Variants in CTTNBP2 observed in about 807,000 individuals in gnomAD.
CTTNBP2 encodes cortactin-binding protein 2.
Under a neutral mutation model 156.9 loss-of-function variants are expected in CTTNBP2, and 108 were observed. That is an observed-to-expected ratio of 0.69 (90% CI 0.59 to 0.81). The LOEUF (loss-of-function observed/expected upper bound fraction) is 0.81, where lower values mean the gene tolerates loss of function less well. Ranked by LOEUF, CTTNBP2 falls within the 30% of genes least tolerant of loss-of-function variation. CTTNBP2 has a pLI of 0.00. For synonymous variants in CTTNBP2, 767 were observed against 751.8 expected, an observed-to-expected ratio of 1.02 and a Z score of -0.33; for missense variants, 1,924 against 2,035.4, an observed-to-expected ratio of 0.95 and a Z score of 1.05.
At chr7:117,740,323 G>A (rs1223228931) in intron 14 of CTTNBP2, among the ~76,000 whole-genome samples, 1 of 151,082 alleles carries the variant, frequency 6.6e-6, no homozygotes, top group Non-Finnish European at 1.5e-5. Flanking sequence ...CTTCATTTCT[G>A]TCTTTTTGCT....
At chr7:117,855,406 C>A (rs2117215815) in intron 2 of CTTNBP2, among the ~76,000 whole-genome samples, 1 of 152,320 alleles carries the variant, frequency 6.6e-6, no homozygotes, top group East Asian at 1.9e-4. Flanking sequence ...AGCTGCCACG[C>A]CTGGCCAATT....
At chr7:117,730,885 T>C (rs1049401492) in intron 16 of CTTNBP2, among the ~76,000 whole-genome samples, 1 of 152,028 alleles carries the variant, frequency 6.6e-6, no homozygotes, top group Non-Finnish European at 1.5e-5. Context: ...AATCAAACAT[T>C]ATTTTTTCGG....
intron 12 of CTTNBP2, chr7:117,755,622 TA>T (rs1796843130): frequency 4.3e-6 from 2 of 460,528 alleles, no homozygotes; most frequent in African/African-American, 4.0e-5. Flanking sequence ...GAAGAATAAA[TA>T]AAATAAGTCA....
At chr7:117,787,909 G>C (rs1014961579) in intron 4 of CTTNBP2, among the ~76,000 whole-genome samples, 2 of 152,158 alleles carry the variant, frequency 1.3e-5, no homozygotes, top group African/African-American at 4.8e-5. Flanking sequence ...TCCAAGGAGG[G>C]AGAGGTAGTT....
intron 17 of CTTNBP2, among the ~76,000 whole-genome samples, chr7:117,726,917 G>C (rs1394097379): frequency 1.3e-5 from 2 of 152,074 alleles, no homozygotes; most frequent in African/African-American, 4.8e-5. Context: ...AGGCTAACTT[G>C]GTAGCTTGCA....
chr7:117,823,005 C>T (rs1198684284), intron 2 of CTTNBP2, among the ~76,000 whole-genome samples: 1 of 152,184 alleles, frequency 6.6e-6, no homozygotes, highest in African/African-American at 2.4e-5. Context: ...TATTGAGGCT[C>T]TGTTATCAGC....
chr7:117,831,133 C>T (rs1801584066), intron 2 of CTTNBP2, among the ~76,000 whole-genome samples: 2 of 152,182 alleles, frequency 1.3e-5, no homozygotes, highest in Non-Finnish European at 2.9e-5. Flanking sequence ...TCCCCTCATT[C>T]ACCAACAACT....
intron 16 of CTTNBP2, among the ~76,000 whole-genome samples, chr7:117,733,883 C>A (rs1795538468): frequency 6.6e-6 from 1 of 152,158 alleles, no homozygotes. Flanking sequence ...CTTGGAAAAG[C>A]AGGTTTGGCC....
intron 2 of CTTNBP2, among the ~76,000 whole-genome samples, chr7:117,812,644 G>A (rs1269643013): frequency 6.6e-6 from 1 of 152,132 alleles, no homozygotes; most frequent in African/African-American, 2.4e-5. Flanking sequence ...AAAGCACTCG[G>A]TGTTTCTAGA....
chr7:117,823,353 TAA>T (rs1173848678), intron 2 of CTTNBP2, among the ~76,000 whole-genome samples: 6 of 152,200 alleles, frequency 3.9e-5, no homozygotes, highest in African/African-American at 7.2e-5. Context: ...TTCATAAAAT[TAA>T]GTCTTGTGGT....
intron 16 of CTTNBP2, among the ~76,000 whole-genome samples, chr7:117,733,168 T>C (rs999873549): frequency 2.0e-5 from 3 of 152,212 alleles, no homozygotes; most frequent in Non-Finnish European, 4.4e-5. Context: ...TTCTGTGACA[T>C]TACAAGATTT....
intron 2 of CTTNBP2, among the ~76,000 whole-genome samples, chr7:117,841,108 T>G (rs941528183): frequency 6.6e-6 from 1 of 152,218 alleles, no homozygotes; most frequent in African/African-American, 2.4e-5. Flanking sequence ...AAAAGCACTA[T>G]ATTTTCCAAA....
chr7:117,792,339 T>C lies in CTTNBP2; in HGVS notation c.857A>G (p.Lys286Arg). ...AGATATGGAAACCAAACGCCTATCT[T>C]TTGTCTTCCGTGGAAGAGAGAGGCT... ...KPSLSLPRKTKDRRLVSISVG... is the reference protein window; with the variant it reads ...KPSLSLPRKTRDRRLVSISVG... Residue 286 changes from lysine to arginine, a missense_variant, in exon 4 of 23, where the codon AAA (lysine) becomes AGA (arginine). Lys to Arg is a conservative substitution (Grantham distance 26). Coordinates refer to ENST00000160373, the MANE Select transcript of CTTNBP2 (RefSeq NM_033427.3). The surrounding 1 kb of genome is among the most constrained non-coding windows in gnomAD (Gnocchi z 4.2). The C allele has an allele frequency of 6.2e-7, 1 of 1,614,136 alleles. No homozygotes were observed. The highest frequency in any genetic ancestry group is 8.5e-7 in the Non-Finnish European group (1 of 1,180,020).
chr7:117,771,949 G>T (rs1266706066), intron 8 of CTTNBP2, among the ~76,000 whole-genome samples: 3 of 152,154 alleles, frequency 2.0e-5, no homozygotes, highest in Non-Finnish European at 4.4e-5. Context: ...GCAGCAGGGA[G>T]GGGAGAGAGC....
At chr7:117,803,957 A>T (rs1799775414) in intron 3 of CTTNBP2, among the ~76,000 whole-genome samples, 1 of 152,030 alleles carries the variant, frequency 6.6e-6, no homozygotes, top group African/African-American at 2.4e-5. Flanking sequence ...GCCTTTATTT[A>T]TTTATTTATG....
At chr7:117,793,773 A>G (rs1229361862) in intron 3 of CTTNBP2, among the ~76,000 whole-genome samples, 1 of 152,172 alleles carries the variant, frequency 6.6e-6, no homozygotes, top group Non-Finnish European at 1.5e-5. Flanking sequence ...TCATTTTTCT[A>G]ACTGATCAGC....
rs375496659 is a variant in CTTNBP2, at chr7:117,760,415, C to T, written c.3172+20G>A. On this transcript the variant is annotated intron_variant, in intron 10 of 22. Transcript: ENST00000160373. Reference sequence around the variant, plus strand: ...AAACCCAGAAATTTCACTTTCTCTCCGTCATAGGACTGCTGATACCTAGCG... The same window carrying T: ...AAACCCAGAAATTTCACTTTCTCTCTGTCATAGGACTGCTGATACCTAGCG... The T allele has an allele frequency of 2.8e-5, 44 of 1,598,664 alleles. No homozygotes were observed. Among genetic ancestry groups the T allele is most frequent in the African/African-American group, 6.7e-5 (5 of 74,478 alleles).
intron 22 of CTTNBP2, among the ~76,000 whole-genome samples, chr7:117,715,297 T>C (rs1794282023): frequency 6.6e-6 from 1 of 152,000 alleles, no homozygotes; most frequent in African/African-American, 2.4e-5. Flanking sequence ...TGAAGGCATC[T>C]CAATCCCTCT....
chr7:117,822,605 CTTTTGG>C (rs1801032765), intron 2 of CTTNBP2, among the ~76,000 whole-genome samples: 1 of 152,072 alleles, frequency 6.6e-6, no homozygotes. Flanking sequence ...GTCTAAATCC[CTTTTGG>C]TTTTGTCTTG....
Sources: allele counts gnomAD v4.1 joint callset (sites outside exome capture counted in the v4.1 genomes callset), GRCh38; gene constraint gnomAD v4.1.1; non-coding constraint Gnocchi (gnomAD v3.1); transcripts MANE v1.5; gene names NCBI Gene and HGNC (gene_info 2026-07-23, HGNC 2026-07-21).